The following GCNT1 variants were observed in gnomAD, a reference collection of about 807,000 sequenced individuals.
GCNT1 encodes beta-1,3-galactosyl-O-glycosyl-glycoprotein beta-1,6-N-acetylglucosaminyltransferase.
Under a neutral mutation model 26.2 loss-of-function variants are expected in GCNT1, and 16 were observed. The observed-to-expected ratio is 0.61, with a 90% confidence interval of 0.41 to 0.93. GCNT1 has a LOEUF of 0.93. GCNT1 is among the 40% of genes least tolerant of loss of function. The probability of loss-of-function intolerance (pLI) is 0.00; values close to 1 mark genes in which losing one functional copy is unlikely to be tolerated. For missense variants in GCNT1, 477 were observed against 526.7 expected, an observed-to-expected ratio of 0.91 and a Z score of 0.92; for synonymous variants, 183 against 190.8, an observed-to-expected ratio of 0.96 and a Z score of 0.34.
chr9:76,433,237 C>T (rs753987433), intron 1 of GCNT1, among the ~76,000 whole-genome samples: 10 of 152,200 alleles, frequency 6.6e-5, no homozygotes, highest in Non-Finnish European at 1.2e-4. Flanking sequence ...GCCCCCTCTT[C>T]GGAGCTCAGC....
intron 2 of GCNT1, among the ~76,000 whole-genome samples, chr9:76,460,446 C>T (rs962093421): frequency 3.3e-5 from 5 of 152,204 alleles, no homozygotes; most frequent in Non-Finnish European, 5.9e-5. Flanking sequence ...ATTCTGCCCC[C>T]CTTCCAGAGC....
rs772333502 is a variant in GCNT1, at chr9:76,502,855, C to T, written c.474C>T (p.Ser158=). The change falls in exon 4 of 4, where the codon TCC becomes TCT. Residue 158 remains serine (S), a synonymous_variant. Coordinates refer to ENST00000376730, the MANE Select transcript of GCNT1 (RefSeq NM_001490.5). Reference sequence around the variant, plus strand: ...ATTGCATTCATGTGGACACAAAATCCGAGGATTCCTATTTAGCTGCAGTGA... The same window carrying T: ...ATTGCATTCATGTGGACACAAAATCTGAGGATTCCTATTTAGCTGCAGTGA... ...NFYCIHVDTK[S]EDSYLAAVMG... 3.5e-5 allele frequency: 56 copies of T among 1,613,878 alleles called. 1 individual carries two copies. The highest frequency in any genetic ancestry group is 2.3e-4 in the South Asian group (21 of 91,070).
chr9:76,396,920 G>A, the GCNT1 span, among the ~76,000 whole-genome samples: 1 of 152,136 alleles, frequency 6.6e-6, no homozygotes, highest in East Asian at 1.9e-4. Flanking sequence ...CCCAGAATTT[G>A]AGGCAGCAGT....
chr9:76,500,234 ATTTG>A (rs1267755927), intron 2 of GCNT1, among the ~76,000 whole-genome samples: 1 of 151,610 alleles, frequency 6.6e-6, no homozygotes, highest in African/African-American at 2.4e-5. Flanking sequence ...TGTTTTTGTT[ATTTG>A]TTTAGTGGCT....
upstream of GCNT1, among the ~76,000 whole-genome samples, chr9:76,417,122 G>T (rs1823139979): frequency 6.6e-6 from 1 of 152,192 alleles, no homozygotes; most frequent in Non-Finnish European, 1.5e-5. Context: ...AATGAGTTAA[G>T]AAATGTTTTC....
intron 1 of GCNT1, among the ~76,000 whole-genome samples, chr9:76,448,732 G>C (rs996633658): frequency 1.3e-5 from 2 of 152,098 alleles, no homozygotes; most frequent in African/African-American, 4.8e-5. Flanking sequence ...GTACTCTTTC[G>C]TGTTTGGCAT....
upstream of GCNT1, among the ~76,000 whole-genome samples, chr9:76,436,745 C>A (rs1027335861): frequency 9.9e-5 from 15 of 152,052 alleles, no homozygotes; most frequent in African/African-American, 3.6e-4. Flanking sequence ...ATAGGAGCAA[C>A]CTAACCTAAT....
chr9:76,493,483 C>G (rs879597316), intron 2 of GCNT1, among the ~76,000 whole-genome samples: 1 of 152,196 alleles, frequency 6.6e-6, no homozygotes, highest in Non-Finnish European at 1.5e-5. Flanking sequence ...CTGAAAACTT[C>G]CCCAGGTCTG....
At chr9:76,428,128 T>C (rs1587405769) in intron 1 of GCNT1, among the ~76,000 whole-genome samples, 1 of 150,832 alleles carries the variant, frequency 6.6e-6, no homozygotes, top group Non-Finnish European at 1.5e-5. Context: ...TAGCCGCGCG[T>C]GGTGGCGGGC....
At chr9:76,414,862 C>T (rs918376251), upstream of GCNT1, among the ~76,000 whole-genome samples, 1 of 152,110 alleles carries the variant, frequency 6.6e-6, no homozygotes, top group Admixed American at 6.5e-5. Context: ...CAACCTCTGA[C>T]GTGTGATACC....
intron 2 of GCNT1, among the ~76,000 whole-genome samples, chr9:76,480,667 G>A (rs1265542311): frequency 6.6e-6 from 1 of 151,974 alleles, no homozygotes; most frequent in African/African-American, 2.4e-5. Context: ...CTGTTAACGT[G>A]CTAATAAATA....
intron 1 of GCNT1, among the ~76,000 whole-genome samples, chr9:76,444,790 A>C (rs576791365): frequency 2.7e-4 from 41 of 152,324 alleles, no homozygotes; most frequent in African/African-American, 9.6e-4. Context: ...TGGAGACCTC[A>C]GCTCTTAGCC....
At chr9:76,425,011 C>A (rs1011373960) in intron 1 of GCNT1, among the ~76,000 whole-genome samples, 1 of 151,556 alleles carries the variant, frequency 6.6e-6, no homozygotes, top group African/African-American at 2.4e-5. Context: ...TGGTATCACG[C>A]GCCTGTAGTC....
At chr9:76,405,680 A>T in the GCNT1 span, among the ~76,000 whole-genome samples, 1 of 152,244 alleles carries the variant, frequency 6.6e-6, no homozygotes, top group South Asian at 2.1e-4. Flanking sequence ...TCACTTAAAA[A>T]TATGCAGTTA....
At chr9:76,484,786 C>CTT (rs33956720) in intron 2 of GCNT1, among the ~76,000 whole-genome samples, 28,197 of 125,904 alleles carry the variant, frequency 0.22, 4,229 homozygotes, top group East Asian at 0.57. Context: ...ACCATGATTG[C>CTT]TTTTTTTTTT....
rs1313406549 is a variant in GCNT1, at chr9:76,477,311, A to C, written c.-290+17134A>C. ...GGGAGGCCGAGGCGGGTGGATCACG[A>C]GGTCAGGAGTTTGAGACCAGCCTTG... On this transcript the variant is annotated intron_variant, in intron 2 of 3. Coordinates refer to ENST00000376730, the MANE Select transcript of GCNT1 (RefSeq NM_001490.5). Among the ~76,000 whole-genome samples, 4 of 149,918 alleles carry C rather than the reference A, an allele frequency of 2.7e-5. No individual in the cohort carries two copies. The East Asian group carries it at 8.4e-4, about 32-fold the overall frequency.
chr9:76,487,886 C>A (rs1824623054), intron 2 of GCNT1, among the ~76,000 whole-genome samples: 1 of 152,130 alleles, frequency 6.6e-6, no homozygotes, highest in Non-Finnish European at 1.5e-5. Context: ...AGGTGCACAC[C>A]ACCACACGCA....
intron 2 of GCNT1, among the ~76,000 whole-genome samples, chr9:76,481,424 T>C (rs575928353): frequency 6.7e-6 from 1 of 149,304 alleles, no homozygotes; most frequent in Non-Finnish European, 1.5e-5. Flanking sequence ...TTTTTTTTTT[T>C]AAGCTCATCA....
intron 1 of GCNT1, among the ~76,000 whole-genome samples, chr9:76,447,849 G>A (rs1384933913): frequency 6.6e-6 from 1 of 152,192 alleles, no homozygotes; most frequent in Non-Finnish European, 1.5e-5. Flanking sequence ...CAATCCCTGT[G>A]TCCAGTACGC....
Sources: allele counts gnomAD v4.1 joint callset (sites outside exome capture counted in the v4.1 genomes callset), GRCh38; gene constraint gnomAD v4.1.1; transcripts MANE v1.5; gene names NCBI Gene and HGNC (gene_info 2026-07-23, HGNC 2026-07-21).